SLC26A11: variants seen among roughly 807,000 people sequenced by gnomAD.
SLC26A11 encodes the protein sodium-independent sulfate anion transporter.
A neutral mutation model predicts 62.2 loss-of-function variants in SLC26A11; 58 were observed. The observed-to-expected ratio is 0.93, with a 90% CI of 0.76 to 1.16. The LOEUF (loss-of-function observed/expected upper bound fraction) is 1.16. SLC26A11 is among the 50% of genes most tolerant of loss of function. The pLI, the probability that SLC26A11 is intolerant of heterozygous loss-of-function variation, is 0.00. For missense variants in SLC26A11, 790 were observed against 794.3 expected (o/e 0.99, Z 0.06); for synonymous variants, 411 against 368.9 (o/e 1.11, Z -1.31).
intron 9 of SLC26A11, among the ~76,000 whole-genome samples, chr17:80,240,306 G>T (rs892314782): frequency 2.0e-5 from 3 of 152,066 alleles, no homozygotes; most frequent in African/African-American, 7.2e-5. Flanking sequence ...GGCGGAGCTT[G>T]CAGTGAGCCA....
intron 5 of SLC26A11, among the ~76,000 whole-genome samples, chr17:80,224,276 AGT>A (rs549177714): frequency 4.1e-5 from 6 of 146,892 alleles, no homozygotes; most frequent in African/African-American, 1.5e-4. Flanking sequence ...TGTGTGAGTG[AGT>A]GCGTGTGTGA....
chr17:80,248,714 C>T (rs903718877), intron 15 of SLC26A11, 40 bp downstream of exon 15: 7 of 1,522,548 alleles, frequency 4.6e-6, no homozygotes, highest in Non-Finnish European at 6.2e-6. Context: ...GGTCACTCCC[C>T]TGTCCTCTGC....
In SLC26A11 at chr17:80,228,473, G is replaced by A. The variant is rs1027250547; in HGVS notation, c.736+513G>A. On this transcript the variant is annotated intron_variant, in intron 7 of 17. Coordinates refer to ENST00000361193, the MANE Select transcript of SLC26A11 (RefSeq NM_001166347.2). The surrounding 1 kb of genome is among the most constrained non-coding windows in gnomAD (Gnocchi z 4.1). ...TAAAACTCTGAGCCAAACTCGGTGG[G>A]TTCTGATGCAGGGTCAGAGCTGAGA... 6.6e-6 allele frequency among the ~76,000 whole-genome samples: 1 copy of A among 152,198 alleles called. No individual in the cohort carries two copies. Among genetic ancestry groups the A allele is most frequent in the African/African-American group, 2.4e-5 (1 of 41,462 alleles).
chr17:80,251,576 A>G (rs2043157401), intron 17 of SLC26A11, among the ~76,000 whole-genome samples, 175 bp downstream of exon 17: 1 of 152,178 alleles, frequency 6.6e-6, no homozygotes, highest in Admixed American at 6.5e-5. Flanking sequence ...CAGCCTGGCC[A>G]ACATGGTAAA....
rs148727330 is a variant in SLC26A11 at position 80,228,828 on chromosome 17, G to A, written c.736+868G>A. Among the ~76,000 whole-genome samples, 252 of 152,326 alleles carry A rather than the reference G, an allele frequency of 1.7e-3. 1 individual carries two copies. The highest frequency in any genetic ancestry group is 5.6e-3 in the African/African-American group (233 of 41,566). On this transcript the variant is annotated intron_variant, in intron 7 of 17. Coordinates refer to ENST00000361193, the MANE Select transcript of SLC26A11 (RefSeq NM_001166347.2). The surrounding 1 kb of genome is among the most constrained non-coding windows in gnomAD (Gnocchi z 4.1). ...TGGGGGTACAACTTCAGCTTCAGGC[G>A]CGGAGGCTGCAGGCTGAGCCACAAC...
chr17:80,235,086 G>T (rs1415711296), intron 7 of SLC26A11, among the ~76,000 whole-genome samples: 1 of 152,148 alleles, frequency 6.6e-6, no homozygotes, highest in Non-Finnish European at 1.5e-5. Flanking sequence ...CTGACTTCAG[G>T]TGATTCAGCT....
At chr17:80,250,889 C>A (rs2043138546) in intron 16 of SLC26A11, among the ~76,000 whole-genome samples, 1 of 151,856 alleles carries the variant, frequency 6.6e-6, no homozygotes, top group South Asian at 2.1e-4. Context: ...ACCTGTAATC[C>A]CAGCACTTTG....
At chr17:80,250,273 A>G (rs1436177765) in intron 16 of SLC26A11, among the ~76,000 whole-genome samples, 1 of 152,314 alleles carries the variant, frequency 6.6e-6, no homozygotes, top group East Asian at 1.9e-4. Flanking sequence ...AGTGACCCGT[A>G]TACCCCAGGT....
intron 17 of SLC26A11, among the ~76,000 whole-genome samples, chr17:80,251,675 A>G (rs1252893306): frequency 6.6e-6 from 1 of 151,736 alleles, no homozygotes; most frequent in Non-Finnish European, 1.5e-5. Context: ...AAGCAGGAGA[A>G]TCGCTTGAAC....
rs2042869011 is a variant in SLC26A11, at chr17:80,241,778, G to A, written c.993G>A (p.Gln331=). ...SIAVAKAFAS[Q]NNYRIDANQE... ...ACCGTTGGTTCCCTTTAGCATCTCA[G>A]AATAATTACCGCATCGATGCCAACC... Residue 331 remains glutamine, a synonymous_variant, in exon 10 of 18, where the codon CAG becomes CAA. Coordinates refer to ENST00000361193, the MANE Select transcript of SLC26A11 (RefSeq NM_001166347.2). 6.2e-7 allele frequency: 1 copy of A among 1,614,068 alleles called. No homozygotes were observed. The highest frequency in any genetic ancestry group is 1.3e-5 in the African/African-American group (1 of 74,924).
Position 80,222,917 on chromosome 17 carries a change from A to G in SLC26A11, c.427+70A>G, listed in dbSNP as rs577640420. On this transcript the variant is annotated intron_variant, in intron 4 of 17. Coordinates refer to ENST00000361193, the MANE Select transcript of SLC26A11 (RefSeq NM_001166347.2). The surrounding 1 kb of genome is among the most constrained non-coding windows in gnomAD (Gnocchi z 4.7). ...ATTTGCTTGTTTGCATTTCAAGTCT[A>G]TCCCCGTGTGCGTGTGTGTGCGTGT... 1.7e-4 allele frequency: 256 copies of G among 1,481,028 alleles called. 1 individual carries two copies. The South Asian group carries it at 2.5e-3, about 14-fold the overall frequency. 91.7% of individuals were successfully genotyped at this position (1,481,028 alleles called of 1,614,324 possible). A position where few individuals can be genotyped will look rare whatever the true frequency, so the allele number is the denominator to read the frequency against.
chr17:80,243,639 C>T (rs1465463860), intron 10 of SLC26A11, among the ~76,000 whole-genome samples: 4 of 152,188 alleles, frequency 2.6e-5, no homozygotes, highest in South Asian at 2.1e-4. Flanking sequence ...TCTGGTGATC[C>T]GCCCGCGTTG....
intron 9 of SLC26A11, among the ~76,000 whole-genome samples, chr17:80,239,985 C>T (rs1223846967): frequency 6.6e-6 from 1 of 152,252 alleles, no homozygotes; most frequent in African/African-American, 2.4e-5. Context: ...AGCAGAGTTG[C>T]GTAGCTGCAG....
chr17:80,241,519 A>G (rs8076566), intron 9 of SLC26A11, among the ~76,000 whole-genome samples: 1,646 of 152,114 alleles, frequency 0.011, 25 homozygotes, highest in African/African-American at 0.037. Context: ...CTTGGCCTCT[A>G]AAAGTGCTGC....
chr17:80,235,871 C>A (rs2042677759), intron 7 of SLC26A11, among the ~76,000 whole-genome samples: 2 of 152,204 alleles, frequency 1.3e-5, no homozygotes, highest in Admixed American at 6.5e-5. Flanking sequence ...CATTCTAGGG[C>A]AAGCCTAATT....
chr17:80,235,471 C>T (rs374194949), intron 7 of SLC26A11, among the ~76,000 whole-genome samples: 13 of 152,144 alleles, frequency 8.5e-5, no homozygotes, highest in African/African-American at 2.7e-4. Flanking sequence ...ATCATCTCAC[C>T]TCAGCCCCCC....
rs749725961 is a variant in SLC26A11, at chr17:80,251,326, C to A, written c.1657-3C>A. 2 of 1,614,060 alleles carry A rather than the reference C, an allele frequency of 1.2e-6. No individual in the cohort carries two copies. The highest frequency in any genetic ancestry group is 1.7e-6 in the Non-Finnish European group (2 of 1,179,970). ...CCCTGGCTAAAGTCTGTCTGTCTCT[C>A]AGGTCCCCGTTCTCCGTGTCCTGCT... On this transcript the variant is annotated splice_polypyrimidine_tract_variant and splice_region_variant and intron_variant, in intron 16 of 17. Coordinates refer to ENST00000361193, the MANE Select transcript of SLC26A11 (RefSeq NM_001166347.2).
intron 7 of SLC26A11, among the ~76,000 whole-genome samples, chr17:80,230,351 C>T (rs955742741): frequency 4.6e-5 from 7 of 152,052 alleles, no homozygotes; most frequent in African/African-American, 1.7e-4. Context: ...ATTATACTCA[C>T]AGGTCCTAGA....
chr17:80,233,595 TTTA>T (rs2042616702), intron 7 of SLC26A11, among the ~76,000 whole-genome samples: 1 of 151,716 alleles, frequency 6.6e-6, no homozygotes, highest in Non-Finnish European at 1.5e-5. Context: ...TTTTTTTTTT[TTTA>T]TTTGACAGGA....
Sources: gnomAD v4.1 joint callset for allele counts (sites outside exome capture counted in the v4.1 genomes callset) on GRCh38, gnomAD v4.1.1 for gene constraint, Gnocchi (gnomAD v3.1) non-coding constraint, MANE v1.5 for transcripts, NCBI Gene and HGNC (gene_info 2026-07-23, HGNC 2026-07-21) for gene names.